Variants in CDH22 observed in about 807,000 individuals in gnomAD.
CDH22 encodes the protein cadherin-22.
CDH22 carries 30 observed loss-of-function variants against 58.4 expected under a neutral mutation model. The ratio of observed to expected loss-of-function variants is 0.51; its 90% confidence interval spans 0.38 to 0.70. The LOEUF (loss-of-function observed/expected upper bound fraction) is 0.70. Ranked by LOEUF, CDH22 falls within the 30% of genes least tolerant of loss-of-function variation. The pLI is 0.00. For missense variants in CDH22, 1,014 were observed against 1,233.9 expected, an observed-to-expected ratio of 0.82 and a Z score of 2.67; for synonymous variants, 513 against 558.2, an observed-to-expected ratio of 0.92 and a Z score of 1.14.
chr20:46,287,116 G>A (rs989507812), intron 1 of CDH22, among the ~76,000 whole-genome samples: 1 of 152,106 alleles, frequency 6.6e-6, no homozygotes, highest in Non-Finnish European at 1.5e-5. Context: ...CAGACGTTAG[G>A]TCTGTGTCAG....
chr20:46,284,729 C>G (rs1459021599), intron 1 of CDH22, among the ~76,000 whole-genome samples: 1 of 152,164 alleles, frequency 6.6e-6, no homozygotes, highest in African/African-American at 2.4e-5. Context: ...AAACTGGAAC[C>G]CATGGTGTCT....
At chr20:46,175,108 G>A in intron 11 of CDH22, 31 bp from the exon 12 acceptor site, 2 of 1,562,220 alleles carry the variant, frequency 1.3e-6, no homozygotes, top group Non-Finnish European at 1.7e-6. Flanking sequence ...GCAACTGAGG[G>A]CCAAGCCCCT....
At chr20:46,203,519 C>G (rs1193577426) in intron 7 of CDH22, among the ~76,000 whole-genome samples, 4 of 152,320 alleles carry the variant, frequency 2.6e-5, no homozygotes, top group African/African-American at 9.6e-5. Context: ...AGCCCTGGGT[C>G]TGGATCCAGG....
At chr20:46,296,881 G>A (rs1031429554) in intron 1 of CDH22, among the ~76,000 whole-genome samples, 2 of 152,164 alleles carry the variant, frequency 1.3e-5, no homozygotes, top group Admixed American at 6.5e-5. Context: ...CTCCCAGCCC[G>A]TAAGACGAGC....
chr20:46,276,343 G>A (rs1420444079), intron 1 of CDH22, among the ~76,000 whole-genome samples: 1 of 152,216 alleles, frequency 6.6e-6, no homozygotes, highest in Non-Finnish European at 1.5e-5. Context: ...CACTTCGGCT[G>A]TCAAGAGCAG....
At position 46,209,532 on chromosome 20, in the gene CDH22, T is replaced by G. The variant is rs76388733; in HGVS notation, c.1286+775A>C. Among the ~76,000 whole-genome samples the G allele has an allele frequency of 3.1e-3, 477 of 152,150 alleles. 7 individuals carry two copies. The highest frequency in any genetic ancestry group is 0.011 in the African/African-American group (445 of 41,494). ...AGGATCAGGCTGGCTCCTGCAACAA[T>G]TCTAGGTTAAAGAGGGGTGAGGACA... On this transcript the variant is annotated intron_variant, in intron 7 of 11. Transcript: ENST00000537909.
chr20:46,285,784 C>T (rs1568683303), intron 1 of CDH22, among the ~76,000 whole-genome samples: 2 of 152,134 alleles, frequency 1.3e-5, no homozygotes, highest in East Asian at 1.9e-4. Context: ...ACATTGTGCT[C>T]CTGTGACATA....
At chr20:46,239,860 C>A (rs1378142198) in intron 3 of CDH22, among the ~76,000 whole-genome samples, 3 of 152,220 alleles carry the variant, frequency 2.0e-5, no homozygotes, top group African/African-American at 7.2e-5. Flanking sequence ...TGGGGGTTTC[C>A]TGGTGGGAGA....
chr20:46,246,815 G>A (rs1450657705), intron 2 of CDH22, among the ~76,000 whole-genome samples: 1 of 152,182 alleles, frequency 6.6e-6, no homozygotes, highest in Non-Finnish European at 1.5e-5. Flanking sequence ...TGCTCCGAGC[G>A]GCTCCCTGGG....
chr20:46,201,365 G>A (rs1023630795), intron 7 of CDH22, among the ~76,000 whole-genome samples: 8 of 152,338 alleles, frequency 5.3e-5, no homozygotes, highest in Non-Finnish European at 1.2e-4. Flanking sequence ...GAGATGACCC[G>A]TCTGTGAGGC....
chr20:46,254,211 CCT>C (rs1377230694), intron 1 of CDH22, among the ~76,000 whole-genome samples: 20 of 152,172 alleles, frequency 1.3e-4, no homozygotes, highest in Non-Finnish European at 5.9e-5. Context: ...TTTACCAGCA[CCT>C]CTCTTATGCC....
chr20:46,269,411 A>G, intron 1 of CDH22, among the ~76,000 whole-genome samples: 1 of 152,376 alleles, frequency 6.6e-6, no homozygotes, highest in Non-Finnish European at 1.5e-5. Context: ...ATAAAATAAT[A>G]AATAGTACTG....
chr20:46,226,052 C>T (rs1298333832), intron 4 of CDH22, among the ~76,000 whole-genome samples: 2 of 152,072 alleles, frequency 1.3e-5, no homozygotes, highest in African/African-American at 4.8e-5. Context: ...GCCTGGCTCA[C>T]ACCAGCACAG....
intron 1 of CDH22, among the ~76,000 whole-genome samples, chr20:46,284,254 G>C (rs1366935235): frequency 6.6e-6 from 1 of 152,008 alleles, no homozygotes; most frequent in Admixed American, 6.6e-5. Context: ...GACCACCAGG[G>C]GGACAAAGGT....
At chr20:46,202,677 G>A (rs368345396) in intron 7 of CDH22, among the ~76,000 whole-genome samples, 2 of 152,184 alleles carry the variant, frequency 1.3e-5, no homozygotes, top group South Asian at 2.1e-4. Flanking sequence ...TAGCCTGACC[G>A]ACAGCCCATC....
chr20:46,287,732 C>T (rs2086582529), intron 1 of CDH22, among the ~76,000 whole-genome samples: 1 of 151,994 alleles, frequency 6.6e-6, no homozygotes, highest in Non-Finnish European at 1.5e-5. Flanking sequence ...GCTTCCGAAG[C>T]AGAGGATTGG....
At chr20:46,175,355 T>C (rs2085730934) in intron 11 of CDH22, among the ~76,000 whole-genome samples, 1 of 152,096 alleles carries the variant, frequency 6.6e-6, no homozygotes, top group Non-Finnish European at 1.5e-5. Context: ...TGTTAAAGGT[T>C]TTCCTGGGTG....
chr20:46,192,837 G>C (rs1009893413), intron 8 of CDH22, among the ~76,000 whole-genome samples: 5 of 152,086 alleles, frequency 3.3e-5, no homozygotes, highest in Admixed American at 2.6e-4. Flanking sequence ...CACGGGACGA[G>C]CAGATGGGGG....
At position 46,241,204 on chromosome 20, in the gene CDH22, G is replaced by T. The variant is rs757594381; in HGVS notation, c.309C>A (p.Gly103=). ...GDGAIKYTIS[G]EGAGTIFLID... Reference sequence around the variant, plus strand: ...TCAGGAAGATGGTCCCAGCACCCTCGCCTGAGATGGTGTACTTGATGGCCC... The same window carrying T: ...TCAGGAAGATGGTCCCAGCACCCTCTCCTGAGATGGTGTACTTGATGGCCC... The change falls in exon 3 of 12, where the codon GGC becomes GGA. Residue 103 remains glycine, a synonymous_variant. Transcript: ENST00000537909. This position sits in a 1 kb window ranked among gnomAD's most constrained non-coding sequence, Gnocchi z 5.2. 2 of 1,613,718 alleles carry T rather than the reference G, an allele frequency of 1.2e-6. No individual in the cohort carries two copies. Among genetic ancestry groups the T allele is most frequent in the Non-Finnish European group, 1.7e-6 (2 of 1,179,762 alleles).
Sources: gnomAD v4.1 joint callset for allele counts (sites outside exome capture counted in the v4.1 genomes callset) on GRCh38, gnomAD v4.1.1 for gene constraint, Gnocchi (gnomAD v3.1) non-coding constraint, MANE v1.5 for transcripts, NCBI Gene and HGNC (gene_info 2026-07-23, HGNC 2026-07-21) for gene names.